MAPK14: variants seen among roughly 807,000 people sequenced by gnomAD.
The protein encoded by MAPK14 is mitogen-activated protein kinase 14, also known as CSAID-binding protein.
A neutral mutation model predicts 49.6 loss-of-function variants in MAPK14; 16 were observed. The ratio of observed to expected loss-of-function variants is 0.32; its 90% CI spans 0.22 to 0.49. MAPK14 has a LOEUF of 0.49. MAPK14 is among the 20% of genes least tolerant of loss of function. MAPK14 has a pLI of 0.99. For synonymous variants in MAPK14, 142 were observed against 158.0 expected, an observed-to-expected ratio of 0.90 and a Z score of 0.76; for missense variants, 200 against 441.2, an observed-to-expected ratio of 0.45 and a Z score of 4.90.
At position 36,081,473 on chromosome 6, in the gene MAPK14, C is replaced by G. The variant is rs139421912; in HGVS notation, c.682+4865C>G. Among the ~76,000 whole-genome samples the G allele has an allele frequency of 2.9e-3, 440 of 152,274 alleles. 3 individuals carry two copies. The highest frequency in any genetic ancestry group is 1.0e-2 in the African/African-American group (414 of 41,562). ...TCCCCCATCGAATCAACATGATACC[C>G]TAGGATTTCTCCTTTGTTTTTTGTT... On this transcript the variant is annotated intron_variant, in intron 8 of 11. Coordinates refer to ENST00000229794, the MANE Select transcript of MAPK14 (RefSeq NM_139012.3).
rs1156886082 is a variant in MAPK14, at chr6:36,111,001, G to A, written c.*2554G>A. On this transcript the variant is annotated 3_prime_UTR_variant, in exon 12 of 12. Transcript: ENST00000229794. ...AATGAACGAAGTATTAAGCATTGGG[G>A]CCTGTCTTATCTACACTCGAGTGTA... 2 of 152,160 alleles carry A rather than the reference G, an allele frequency of 1.3e-5. No homozygotes were observed. The highest frequency in any genetic ancestry group is 2.4e-5 in the African/African-American group (1 of 41,428). The allele number at this position is 152,160 out of a possible 1,614,324, so 9.4% of individuals were successfully genotyped here. A position where few individuals can be genotyped will look rare whatever the true frequency, so the allele number is the denominator to read the frequency against.
chr6:36,046,692 G>T (rs1379511325), intron 1 of MAPK14, among the ~76,000 whole-genome samples: 3 of 152,194 alleles, frequency 2.0e-5, no homozygotes, highest in East Asian at 1.9e-4. Context: ...AATTGTGATT[G>T]TTGGGGTCTA....
intron 1 of MAPK14, among the ~76,000 whole-genome samples, chr6:36,045,596 C>T (rs575178091): frequency 4.6e-5 from 7 of 151,986 alleles, no homozygotes; most frequent in African/African-American, 1.7e-4. Context: ...ATCACGAGAT[C>T]AGGAGATCGA....
chr6:36,059,792 A>G (rs1396304160), intron 3 of MAPK14, among the ~76,000 whole-genome samples: 1 of 152,162 alleles, frequency 6.6e-6, no homozygotes, highest in African/African-American at 2.4e-5. Flanking sequence ...AGCTGGAACT[A>G]CAGGCACATG....
At chr6:36,096,154 G>C (rs931185556) in intron 9 of MAPK14, 88 bp downstream of exon 9, 2 of 897,256 alleles carry the variant, frequency 2.2e-6, no homozygotes, top group Non-Finnish European at 3.7e-6. Flanking sequence ...GGGTGTGTTT[G>C]TAAGCACACA....
chr6:36,111,239 C>T (rs960259852), downstream of MAPK14: 2 of 152,182 alleles, frequency 1.3e-5, no homozygotes, highest in African/African-American at 2.4e-5. Context: ...AGAACAGAGC[C>T]GCACTCATCT....
At chr6:36,102,444 C>A (rs1163100922) in intron 9 of MAPK14, 127 bp from the exon 10 acceptor site, 1 of 657,216 alleles carries the variant, frequency 1.5e-6, no homozygotes, top group African/African-American at 2.0e-5. Flanking sequence ...CTATCAAAGA[C>A]AGTTAGAAAC....
chr6:36,081,285 A>G (rs576648680), intron 8 of MAPK14, among the ~76,000 whole-genome samples: 3 of 152,120 alleles, frequency 2.0e-5, no homozygotes, highest in Non-Finnish European at 4.4e-5. Context: ...GTTTTCTACT[A>G]AGAGTTTTGT....
downstream of MAPK14, among the ~76,000 whole-genome samples, chr6:36,113,018 C>T (rs866144425): frequency 6.6e-6 from 1 of 152,140 alleles, no homozygotes; most frequent in Non-Finnish European, 1.5e-5. Context: ...TTTCACTTCT[C>T]TATATAATTT....
At chr6:36,064,057 C>T (rs1423227951) in intron 3 of MAPK14, among the ~76,000 whole-genome samples, 1 of 112,922 alleles carries the variant, frequency 8.9e-6, no homozygotes, top group Non-Finnish European at 1.8e-5. Flanking sequence ...ATAATATTGC[C>T]TTTTCTTTGT....
Position 36,038,927 on chromosome 6 carries a change from C to T in MAPK14, c.116+10654C>T, listed in dbSNP as rs143143286. Among the ~76,000 whole-genome samples, 412 of 152,134 alleles carry T rather than the reference C, an allele frequency of 2.7e-3. 6 individuals carry two copies. Among genetic ancestry groups the T allele is most frequent in the African/African-American group, 9.6e-3 (398 of 41,512 alleles). The stretch of plus-strand genomic sequence containing the variant: ...ATCATGTTTTAAAAGTCATTTTTAC[C>T]TTCTTTCAACAGTTAAACATTTAAG... On this transcript the variant is annotated intron_variant, in intron 1 of 11. Transcript: ENST00000229794.
chr6:36,060,523 A>G (rs1763775823), intron 3 of MAPK14, among the ~76,000 whole-genome samples: 1 of 152,356 alleles, frequency 6.6e-6, no homozygotes, highest in African/African-American at 2.4e-5. Context: ...AAGCCAAAAC[A>G]GAACTGAAGA....
chr6:36,030,659 C>G (rs1015748435), intron 1 of MAPK14, among the ~76,000 whole-genome samples: 2 of 146,794 alleles, frequency 1.4e-5, no homozygotes, highest in African/African-American at 5.1e-5. Flanking sequence ...TGCACTCCAG[C>G]CTGGGCGAAA....
At chr6:36,040,904 AAGT>A (rs1194996519) in intron 1 of MAPK14, among the ~76,000 whole-genome samples, 2 of 152,226 alleles carry the variant, frequency 1.3e-5, no homozygotes, top group African/African-American at 4.8e-5. Flanking sequence ...AAGGAGCAAG[AAGT>A]AGTACATTGT....
intron 3 of MAPK14, among the ~76,000 whole-genome samples, chr6:36,059,663 TTTGTTG>T (rs58187530): frequency 1.7e-4 from 25 of 151,476 alleles, no homozygotes; most frequent in African/African-American, 5.8e-4. Flanking sequence ...CAGGTTTGGT[TTTGTTG>T]TTGTTGTTGT....
intron 3 of MAPK14, among the ~76,000 whole-genome samples, chr6:36,060,540 C>T (rs933503920): frequency 2.6e-5 from 4 of 152,200 alleles, no homozygotes; most frequent in African/African-American, 9.7e-5. Flanking sequence ...AAGATCGTGA[C>T]TTCTCTTCCT....
intron 2 of MAPK14, among the ~76,000 whole-genome samples, chr6:36,059,014 C>T (rs1006990226): frequency 7.2e-5 from 11 of 151,864 alleles, no homozygotes; most frequent in Admixed American, 2.6e-4. Flanking sequence ...CTCAGCCTCC[C>T]GAGTAGCTGG....
At chr6:36,086,776 C>G (rs1018035061) in intron 8 of MAPK14, among the ~76,000 whole-genome samples, 28 of 152,174 alleles carry the variant, frequency 1.8e-4, no homozygotes, top group African/African-American at 6.8e-4. Flanking sequence ...GAGGGACTCC[C>G]CTATAACTCA....
chr6:36,061,146 T>C (rs1763806281), intron 3 of MAPK14, among the ~76,000 whole-genome samples: 1 of 152,184 alleles, frequency 6.6e-6, no homozygotes, highest in African/African-American at 2.4e-5. Context: ...AGTAATGTGT[T>C]TGTGAATTAC....
Sources: gnomAD v4.1 joint callset for allele counts (sites outside exome capture counted in the v4.1 genomes callset) on GRCh38, gnomAD v4.1.1 for gene constraint, MANE v1.5 for transcripts, NCBI Gene and HGNC (gene_info 2026-07-23, HGNC 2026-07-21) for gene names.